Variants in RAC1 observed in about 807,000 individuals in gnomAD.
RAC1 encodes ras-related C3 botulinum toxin substrate 1.
In RAC1, 2 loss-of-function variants were observed where a neutral mutation model predicts 25.2. That is an observed-to-expected ratio of 0.08 (90% CI 0.03 to 0.25). The LOEUF (loss-of-function observed/expected upper bound fraction) is 0.25. RAC1 is among the 10% of genes least tolerant of loss of function. RAC1 has a pLI of 1.00. For synonymous variants in RAC1, 88 were observed against 94.0 expected, an observed-to-expected ratio of 0.94 and a Z score of 0.37; for missense variants, 50 against 235.7, an observed-to-expected ratio of 0.21 and a Z score of 5.16.
chr7:6,400,949 A>C (rs1295008634), intron 4 of RAC1, among the ~76,000 whole-genome samples: 2 of 151,148 alleles, frequency 1.3e-5, no homozygotes, highest in African/African-American at 4.9e-5. Context: ...TGCTGGGATT[A>C]CAGGCGTGGG....
At chr7:6,393,190 T>C (rs1490462622) in intron 3 of RAC1, among the ~76,000 whole-genome samples, 1 of 152,182 alleles carries the variant, frequency 6.6e-6, no homozygotes, top group Non-Finnish European at 1.5e-5. Flanking sequence ...CAGTACTTCG[T>C]TGTAGGGGGT....
intron 2 of RAC1, among the ~76,000 whole-genome samples, chr7:6,388,210 G>C (rs1193531303): frequency 6.6e-6 from 1 of 152,054 alleles, no homozygotes. Flanking sequence ...TCCTGCAGCT[G>C]CTGTGAGTCC....
chr7:6,400,238 GAAAT>G (rs1325606594), intron 4 of RAC1, 50 bp downstream of exon 4: 1 of 1,479,838 alleles, frequency 6.8e-7, no homozygotes, highest in Non-Finnish European at 9.4e-7. Context: ...GATCCTCTCA[GAAAT>G]AAATACTTTA....
chr7:6,398,835 C>G, intron 3 of RAC1: 1 of 962,348 alleles, frequency 1.0e-6, no homozygotes. Context: ...ATATTTAATT[C>G]ACTCAAGGTT....
intron 3 of RAC1, chr7:6,398,708 A>G: frequency 1.2e-6 from 2 of 1,613,796 alleles, no homozygotes; most frequent in South Asian, 1.1e-5. Flanking sequence ...GGCAAAGACA[A>G]GCCGATTGCC....
Position 6,402,526 on chromosome 7 carries a change from A to AAAAAAAAAAAAAAAAC in RAC1, c.*91_*92insAAAACAAAAAAAAAAA, listed in dbSNP as rs1562471619. The AAAAAAAAAAAAAAAAC allele has an allele frequency of 3.1e-5, 22 of 703,982 alleles. 2 individuals carry two copies. Among genetic ancestry groups the AAAAAAAAAAAAAAAAC allele is most frequent in the Admixed American group, 2.0e-4 (3 of 14,662 alleles). The allele number at this position is 703,982 out of a possible 1,614,324, so 43.6% of individuals were successfully genotyped here. On this transcript the variant is annotated 3_prime_UTR_variant, in exon 6 of 6. Coordinates refer to ENST00000348035, the MANE Select transcript of RAC1 (RefSeq NM_006908.5). Reference sequence around the variant, plus strand: ...TCAAAAAAAAACAAAAAAAAAAAACAAAAAAAAAAAACAACGGTGGAGCCT... The same window carrying AAAAAAAAAAAAAAAAC: ...TCAAAAAAAAACAAAAAAAAAAAACAAAAAAAAAAAAAAAACAAAAAAAAAAACAACGGTGGAGCCT...
At chr7:6,376,657 A>G (rs1489526925) in intron 1 of RAC1, among the ~76,000 whole-genome samples, 1 of 135,828 alleles carries the variant, frequency 7.4e-6, no homozygotes, top group Non-Finnish European at 1.5e-5. Context: ...GCAAGCCACC[A>G]TGCCCAGCTA....
At chr7:6,397,049 A>G (rs1022164441) in intron 3 of RAC1, among the ~76,000 whole-genome samples, 1 of 144,622 alleles carries the variant, frequency 6.9e-6, no homozygotes, top group African/African-American at 2.5e-5. Flanking sequence ...AAAAAAAAAA[A>G]AAAAAGAAAA....
chr7:6,377,469 C>T (rs1004380017), intron 1 of RAC1, among the ~76,000 whole-genome samples: 1 of 152,072 alleles, frequency 6.6e-6, no homozygotes, highest in Non-Finnish European at 1.5e-5. Flanking sequence ...ACACATGTGC[C>T]TGTAGTCCCA....
intron 2 of RAC1, chr7:6,391,442 G>A (rs911282269): frequency 6.4e-6 from 1 of 156,804 alleles, no homozygotes; most frequent in Admixed American, 6.3e-5. Context: ...AATGTTATTG[G>A]GAGGCTTGTT....
Position 6,377,904 on chromosome 7 carries a change from TTTTG to T in RAC1, c.35+3146_35+3149del, listed in dbSNP as rs561734324. On this transcript the variant is annotated intron_variant, in intron 1 of 5. Coordinates refer to ENST00000348035, the MANE Select transcript of RAC1 (RefSeq NM_006908.5). ...TGGGTGACAGAGGGAAACTGTCTTT[TTTTG>T]TTTGTTTGTTTTTAAAGGAGATACA... is the stretch of plus-strand genomic sequence containing the variant. Among the ~76,000 whole-genome samples the T allele has an allele frequency of 1.2e-4, 19 of 152,132 alleles. No homozygotes were observed. The East Asian group carries it at 1.4e-3, about 11-fold the overall frequency.
intron 3 of RAC1, among the ~76,000 whole-genome samples, chr7:6,394,487 A>G (rs1783170845): frequency 6.6e-6 from 1 of 151,890 alleles, no homozygotes. Context: ...GCCTGCTTGT[A>G]CCAGCATTGG....
At position 6,403,580 on chromosome 7, in the gene RAC1, G is replaced by C. The variant is rs1783481363; in HGVS notation, c.*1134G>C. 1 of 217,778 alleles carries C rather than the reference G, an allele frequency of 4.6e-6. No homozygotes were observed. Among genetic ancestry groups the C allele is most frequent in the Non-Finnish European group, 9.3e-6 (1 of 108,092 alleles). 13.5% of individuals were successfully genotyped at this position (217,778 alleles called of 1,614,324 possible). A position where few individuals can be genotyped will look rare whatever the true frequency, so the allele number is the denominator to read the frequency against. On this transcript the variant is annotated 3_prime_UTR_variant, in exon 6 of 6. Transcript: ENST00000348035. ...TCTAGTAACTAGGTGTAAAAATCATGTGTTGCAGCTTTATAGTTTTTAAAA... is the reference window on the plus strand; with the variant it reads ...TCTAGTAACTAGGTGTAAAAATCATCTGTTGCAGCTTTATAGTTTTTAAAA...
intron 1 of RAC1, among the ~76,000 whole-genome samples, chr7:6,377,680 C>G (rs576802443): frequency 1.3e-5 from 2 of 152,086 alleles, no homozygotes; most frequent in Non-Finnish European, 2.9e-5. Flanking sequence ...TTTGGGAGGC[C>G]GAGGTGGGCG....
At position 6,392,004 on chromosome 7, in the gene RAC1, A is replaced by T. The variant is rs1459952760; in HGVS notation, c.188A>T (p.Asp63Val). 2 of 1,614,222 alleles carry T rather than the reference A, an allele frequency of 1.2e-6. No homozygotes were observed. Among genetic ancestry groups the T allele is most frequent in the Admixed American group, 1.7e-5 (1 of 60,024 alleles). Residue 63 changes from aspartate (D) to valine (V), a missense_variant, in exon 3 of 6, where the codon GAT (aspartate) becomes GTT (valine). Transcript: ENST00000348035. ...TTATGGGATACAGCTGGACAAGAAG[A>T]TTATGACAGATTACGCCCCCTATCC... is the stretch of plus-strand genomic sequence containing the variant. ...LGLWDTAGQE[D>V]YDRLRPLSYP...
At chr7:6,379,928 A>T (rs1192249422) in intron 1 of RAC1, among the ~76,000 whole-genome samples, 1 of 151,996 alleles carries the variant, frequency 6.6e-6, no homozygotes, top group Non-Finnish European at 1.5e-5. Flanking sequence ...CTATTTTAAT[A>T]GTGTTGTTTT....
chr7:6,384,669 C>T lies in RAC1; in HGVS notation c.36-2543C>T, dbSNP rs1007906319. 2.0e-5 allele frequency among the ~76,000 whole-genome samples: 3 copies of T among 152,086 alleles called. No homozygotes were observed. The East Asian group carries it at 5.8e-4, about 29-fold the overall frequency. ...AATTTTTTGTGGAAACAAGGTCTCCCTATGTTGCCCAGGCTGGTCTTGAAC... is the reference window on the plus strand; with the variant it reads ...AATTTTTTGTGGAAACAAGGTCTCCTTATGTTGCCCAGGCTGGTCTTGAAC... On this transcript the variant is annotated intron_variant, in intron 1 of 5. Transcript: ENST00000348035.
In RAC1 at chr7:6,375,686, C is replaced by A. The variant is rs201484864; in HGVS notation, c.35+916C>A. 9.1e-3 allele frequency among the ~76,000 whole-genome samples: 1,367 copies of A among 149,504 alleles called. 18 individuals carry two copies. The highest frequency in any genetic ancestry group is 0.032 in the African/African-American group (1,306 of 40,694). ...TCTTTCTTTCTTTTTTTTTTTTAAA[C>A]AACGTGGTGTGGTCATTGACAAAAA... On this transcript the variant is annotated intron_variant, in intron 1 of 5. Transcript: ENST00000348035.
At chr7:6,377,203 T>C (rs1003812106) in intron 1 of RAC1, among the ~76,000 whole-genome samples, 8 of 149,412 alleles carry the variant, frequency 5.4e-5, no homozygotes, top group African/African-American at 1.9e-4. Flanking sequence ...TCAGTCTGTT[T>C]TTTTTTTTTA....
Sources: gnomAD v4.1 joint callset for allele counts (sites outside exome capture counted in the v4.1 genomes callset) on GRCh38, gnomAD v4.1.1 for gene constraint, MANE v1.5 for transcripts, NCBI Gene and HGNC (gene_info 2026-07-23, HGNC 2026-07-21) for gene names.